Variants in IGSF10 observed in about 807,000 individuals in gnomAD.
IGSF10 encodes the protein calvaria mechanical force protein 608.
In IGSF10, 126 loss-of-function variants were observed where a neutral mutation model predicts 128.2. The observed-to-expected ratio is 0.98, with a 90% CI of 0.85 to 1.14. The LOEUF (loss-of-function observed/expected upper bound fraction) is 1.14, where lower values mean the gene tolerates loss of function less well. Among genes scored for constraint, IGSF10 ranks in the 50% most tolerant of loss-of-function variants. The pLI is 0.00. For synonymous variants in IGSF10, 1,185 were observed against 1,146.2 expected (o/e 1.03, Z -0.68); for missense variants, 3,295 against 3,149.8 (o/e 1.05, Z -1.10).
At chr3:151,462,317 C>G (rs1263909245), upstream of IGSF10, among the ~76,000 whole-genome samples, 1 of 152,124 alleles carries the variant, frequency 6.6e-6, no homozygotes, top group Non-Finnish European at 1.5e-5. Flanking sequence ...CAAAAATTTG[C>G]GGGATCCATC....
intron 7 of IGSF10, among the ~76,000 whole-genome samples, chr3:151,439,735 G>A (rs1231629506): frequency 1.3e-5 from 2 of 152,212 alleles, no homozygotes; most frequent in Non-Finnish European, 2.9e-5. Context: ...TGAGCTGTGT[G>A]GAATACCATT....
At chr3:151,506,510 T>C in the IGSF10 span, among the ~76,000 whole-genome samples, 2 of 152,204 alleles carry the variant, frequency 1.3e-5, no homozygotes, top group Non-Finnish European at 2.9e-5. Context: ...TGCCTATGTA[T>C]AATAAAAACT....
chr3:151,524,627 G>A, the IGSF10 span, among the ~76,000 whole-genome samples: 1 of 152,160 alleles, frequency 6.6e-6, no homozygotes, highest in Non-Finnish European at 1.5e-5. Context: ...TGGTCTACTT[G>A]AGTGTGGAGG....
rs145028765 is a variant in IGSF10, at chr3:151,447,579, G to A, written c.2402C>T (p.Ala801Val). Reference sequence around the variant, plus strand: ...CGGGACCATAAATTCCTCATGTAGAGCGAGCATGCCTGAGGAATCGTCTTC... The same window carrying A: ...CGGGACCATAAATTCCTCATGTAGAACGAGCATGCCTGAGGAATCGTCTTC... ...GEEDDSSGML[A>V]LHEEFMVPAT... Residue 801 changes from alanine (A) to valine (V), a missense_variant, in exon 6 of 8, where the codon GCT becomes GTT. By Grantham distance (64) the Ala-to-Val change is moderately conservative. Coordinates refer to ENST00000282466, the MANE Select transcript of IGSF10 (RefSeq NM_178822.5). The A allele has an allele frequency of 1.2e-6, 2 of 1,614,162 alleles. No individual in the cohort carries two copies. The highest frequency in any genetic ancestry group is 1.7e-6 in the Non-Finnish European group (2 of 1,180,024).
the IGSF10 span, among the ~76,000 whole-genome samples, chr3:151,565,283 T>A: frequency 7.2e-5 from 11 of 152,168 alleles, no homozygotes; most frequent in Non-Finnish European, 1.2e-4. Context: ...GAATCTAGAA[T>A]CTAGTGCTTG....
At chr3:151,575,574 A>G in the IGSF10 span, among the ~76,000 whole-genome samples, 1 of 152,208 alleles carries the variant, frequency 6.6e-6, no homozygotes, top group Non-Finnish European at 1.5e-5. Context: ...TGCTAAGACC[A>G]TTGGAAAAGC....
the IGSF10 span, among the ~76,000 whole-genome samples, chr3:151,567,932 CCTT>C: frequency 2.0e-5 from 3 of 152,154 alleles, no homozygotes; most frequent in Admixed American, 2.0e-4. Context: ...AGTGCAAACA[CCTT>C]CTTCCTTCAT....
At chr3:151,487,518 GAC>G in the IGSF10 span, among the ~76,000 whole-genome samples, 9 of 152,188 alleles carry the variant, frequency 5.9e-5, no homozygotes, top group Admixed American at 1.3e-4. Flanking sequence ...ACCTGGCAGA[GAC>G]ACAACAAAAA....
upstream of IGSF10, among the ~76,000 whole-genome samples, chr3:151,464,328 G>A (rs1722202998): frequency 6.6e-6 from 1 of 151,848 alleles, no homozygotes; most frequent in African/African-American, 2.4e-5. Flanking sequence ...ATTTTTTCTA[G>A]TAAACACGAC....
At chr3:151,515,502 G>C in the IGSF10 span, among the ~76,000 whole-genome samples, 1 of 149,354 alleles carries the variant, frequency 6.7e-6, no homozygotes, top group Non-Finnish European at 1.5e-5. Context: ...ATAGCATTAG[G>C]ACATATACCT....
rs1201179425 is a variant in IGSF10 at position 151,438,243 on chromosome 3, G to T, written c.6318C>A (p.Phe2106Leu). The T allele has an allele frequency of 6.2e-7, 1 of 1,614,036 alleles. No individual in the cohort carries two copies. The highest frequency in any genetic ancestry group is 1.7e-5 in the Admixed American group (1 of 60,016). ...YTLFNNGTLYFNKVGVAEEGD... is the reference protein window; with the variant it reads ...YTLFNNGTLYLNKVGVAEEGD... ...CTTCCTCCGCTACCCCAACTTTGTTGAAGTATAAAGTTCCATTGTTGAAAA... is the reference window on the plus strand; with the variant it reads ...CTTCCTCCGCTACCCCAACTTTGTTTAAGTATAAAGTTCCATTGTTGAAAA... The change falls in exon 8 of 8, where the codon TTC becomes TTA. Residue 2106 changes from phenylalanine (F) to leucine (L), a missense_variant. Phe to Leu is a conservative substitution (Grantham distance 22, BLOSUM62 0). Transcript: ENST00000282466.
chr3:151,566,166 G>A, the IGSF10 span, among the ~76,000 whole-genome samples: 14 of 152,068 alleles, frequency 9.2e-5, no homozygotes, highest in African/African-American at 3.1e-4. Context: ...TAGAATGGGA[G>A]GTATCAGCTA....
the IGSF10 span, among the ~76,000 whole-genome samples, chr3:151,527,682 G>A: frequency 6.6e-6 from 1 of 152,184 alleles, no homozygotes; most frequent in African/African-American, 2.4e-5. Context: ...AGGTGTAGTG[G>A]CTCATGCCTA....
rs143350885 is a variant in IGSF10 at position 151,448,827 on chromosome 3, G to A, written c.1154C>T (p.Pro385Leu). ...CAAGTGGCTCCTTTCTAGTATCAGA[G>A]GAGAATCACTGTACAAAGCCAAAAT... ...WQILALYSDS[P>L]LILERSHLLS... Residue 385 changes from proline to leucine, a missense_variant, in exon 6 of 8, where the codon CCT becomes CTT. Physicochemically the swap from Pro to Leu is moderately conservative, Grantham distance 98. Transcript: ENST00000282466. 20 of 1,613,646 alleles carry A rather than the reference G, an allele frequency of 1.2e-5. No individual in the cohort carries two copies. In the African/African-American group the frequency reaches 2.4e-4, roughly 19 times the overall value.
the IGSF10 span, among the ~76,000 whole-genome samples, chr3:151,567,089 A>G: frequency 6.6e-6 from 1 of 152,206 alleles, no homozygotes; most frequent in Non-Finnish European, 1.5e-5. Flanking sequence ...TATGAAGTAA[A>G]TGGGTCTGTA....
chr3:151,497,018 A>T, the IGSF10 span, among the ~76,000 whole-genome samples: 1 of 151,746 alleles, frequency 6.6e-6, no homozygotes, highest in Admixed American at 6.6e-5. Context: ...CCACTTGTTG[A>T]TAGGGTTGTT....
chr3:151,479,599 G>A, the IGSF10 span, among the ~76,000 whole-genome samples: 1 of 152,168 alleles, frequency 6.6e-6, no homozygotes, highest in Non-Finnish European at 1.5e-5. Context: ...ATTCACCAGC[G>A]AGCACAGTGG....
the IGSF10 span, among the ~76,000 whole-genome samples, chr3:151,600,049 T>C: frequency 6.6e-6 from 1 of 152,342 alleles, no homozygotes; most frequent in South Asian, 2.1e-4. Context: ...CTGTATCATT[T>C]TCAGTTAATT....
the IGSF10 span, among the ~76,000 whole-genome samples, chr3:151,604,592 AACACACACACACACACAC>A: frequency 8.3e-5 from 12 of 144,586 alleles, no homozygotes; most frequent in Non-Finnish European, 1.8e-4. Flanking sequence ...GTACCAATAT[AACACACACACACACACAC>A]ACACACACAC....
Sources: gnomAD v4.1 joint callset for allele counts (sites outside exome capture counted in the v4.1 genomes callset) on GRCh38, gnomAD v4.1.1 for gene constraint, MANE v1.5 for transcripts, NCBI Gene and HGNC (gene_info 2026-07-23, HGNC 2026-07-21) for gene names.